Variants in MAML3 observed in about 807,000 individuals in gnomAD.
MAML3 encodes the protein mastermind-like protein 3.
In MAML3, 27 loss-of-function variants were observed where a neutral mutation model predicts 101.9. The ratio of observed to expected loss-of-function variants is 0.27; its 90% CI spans 0.20 to 0.37. The LOEUF (loss-of-function observed/expected upper bound fraction) is 0.37, where lower values mean the gene tolerates loss of function less well. Ranked by LOEUF, MAML3 falls within the 10% of genes least tolerant of loss-of-function variation. MAML3 has a pLI of 1.00. For synonymous variants in MAML3, 501 were observed against 555.9 expected (o/e 0.90, Z 1.39); for missense variants, 1,316 against 1,444.9 (o/e 0.91, Z 1.45).
rs1307520887 is a variant in MAML3, at chr4:139,735,535, C to T, written c.2080-4868G>A. Among the ~76,000 whole-genome samples the T allele has an allele frequency of 6.6e-6, 1 of 152,082 alleles. No homozygotes were observed. The highest frequency in any genetic ancestry group is 2.4e-5 in the African/African-American group (1 of 41,416). On this transcript the variant is annotated intron_variant, in intron 2 of 4. Transcript: ENST00000509479. The surrounding 1 kb of genome is among the most constrained non-coding windows in gnomAD (Gnocchi z 5.8). ...GCCCGGGAGGGACCGGGTTCCAGGA[C>T]CCCAGCTGCACAAAGCCGGCCCGGG...
At chr4:139,946,224 CTAAAGA>C (rs569728521) in intron 1 of MAML3, among the ~76,000 whole-genome samples, 15 of 152,208 alleles carry the variant, frequency 9.9e-5, no homozygotes, top group South Asian at 6.2e-4. Context: ...TATTCAGAAG[CTAAAGA>C]TAAAGATAAT....
chr4:140,023,364 G>A (rs373415405), intron 1 of MAML3, among the ~76,000 whole-genome samples: 1 of 152,284 alleles, frequency 6.6e-6, no homozygotes, highest in African/African-American at 2.4e-5. Context: ...AATGCGCATG[G>A]AAGCTGAGGT....
At chr4:140,019,837 A>G (rs912957791) in intron 1 of MAML3, among the ~76,000 whole-genome samples, 4 of 152,200 alleles carry the variant, frequency 2.6e-5, no homozygotes, top group African/African-American at 9.7e-5. Context: ...CCTTTAATAC[A>G]ATATTTAGGT....
chr4:139,890,838 T>C lies in MAML3; in HGVS notation c.598A>G (p.Met200Val), dbSNP rs1417364680. ...CTGGGCAAATTGTTGATGGCTTCCA[T>C]CCCCGCAGAAATGTCCTTTCGAATT... is the stretch of plus-strand genomic sequence containing the variant. ...KRIRKDISAG[M>V]EAINNLPSNM... Residue 200 changes from methionine to valine, a missense_variant, in exon 2 of 5, where the codon ATG (methionine) becomes GTG (valine). Physicochemically the swap from Met to Val is conservative, Grantham distance 21. Transcript: ENST00000509479. This position sits in a 1 kb window ranked among gnomAD's most constrained non-coding sequence, Gnocchi z 4.1. The C allele has an allele frequency of 6.2e-7, 1 of 1,613,846 alleles. No homozygotes were observed. The highest frequency in any genetic ancestry group is 8.5e-7 in the Non-Finnish European group (1 of 1,179,872).
chr4:140,030,926 G>T (rs532751653), intron 1 of MAML3, among the ~76,000 whole-genome samples: 1 of 152,206 alleles, frequency 6.6e-6, no homozygotes, highest in African/African-American at 2.4e-5. Context: ...AATTACAGAG[G>T]TTGGTAACAC....
intron 2 of MAML3, among the ~76,000 whole-genome samples, chr4:139,838,316 G>T (rs1365094116): frequency 6.6e-6 from 1 of 152,098 alleles, no homozygotes; most frequent in Non-Finnish European, 1.5e-5. Flanking sequence ...TTATTTTGGG[G>T]TTTATTTCCT....
intron 1 of MAML3, among the ~76,000 whole-genome samples, chr4:140,021,910 A>T (rs1283395878): frequency 6.6e-6 from 1 of 152,198 alleles, no homozygotes; most frequent in African/African-American, 2.4e-5. Flanking sequence ...TCTACGTGTC[A>T]GGTGCCTTAT....
At chr4:139,836,405 T>C (rs1731256367) in intron 2 of MAML3, among the ~76,000 whole-genome samples, 1 of 152,138 alleles carries the variant, frequency 6.6e-6, no homozygotes, top group African/African-American at 2.4e-5. Context: ...CTCTGCAGTA[T>C]AGGATTACTG....
At chr4:139,751,513 G>T (rs190717094) in intron 2 of MAML3, among the ~76,000 whole-genome samples, 46 of 152,302 alleles carry the variant, frequency 3.0e-4, no homozygotes, top group Non-Finnish European at 5.6e-4. Context: ...ATCACATGAG[G>T]TCAGGTGTGA....
At chr4:139,736,955 A>G (rs1167310118) in intron 2 of MAML3, among the ~76,000 whole-genome samples, 2 of 152,208 alleles carry the variant, frequency 1.3e-5, no homozygotes, top group African/African-American at 4.8e-5. Context: ...AGGGTTGCTC[A>G]GGCCAGTGAT....
chr4:139,753,130 T>C (rs1729552242), intron 2 of MAML3, among the ~76,000 whole-genome samples: 1 of 152,206 alleles, frequency 6.6e-6, no homozygotes, highest in South Asian at 2.1e-4. Flanking sequence ...TCAATTCCTA[T>C]TTTCCTTCTT....
intron 1 of MAML3, among the ~76,000 whole-genome samples, chr4:140,147,998 CTTCT>C (rs1729095046): frequency 6.6e-6 from 1 of 152,016 alleles, no homozygotes; most frequent in Non-Finnish European, 1.5e-5. Context: ...GGCAGGAAAA[CTTCT>C]TTAACAACAG....
chr4:139,750,486 T>C (rs1329004575), intron 2 of MAML3, among the ~76,000 whole-genome samples: 1 of 152,214 alleles, frequency 6.6e-6, no homozygotes, highest in East Asian at 1.9e-4. Flanking sequence ...TTCTTCTCTT[T>C]GTTCCTTGGA....
At chr4:140,018,990 A>T (rs908575055) in intron 1 of MAML3, among the ~76,000 whole-genome samples, 1 of 140,280 alleles carries the variant, frequency 7.1e-6, no homozygotes, top group Non-Finnish European at 1.6e-5. Context: ...TAATATGTGC[A>T]AAATTAGTAA....
chr4:139,753,158 A>T lies in MAML3; in HGVS notation c.2080-22491T>A, dbSNP rs150615147. Among the ~76,000 whole-genome samples the T allele has an allele frequency of 2.9e-3, 435 of 152,338 alleles. 1 individual carries two copies. The highest frequency in any genetic ancestry group is 9.7e-3 in the African/African-American group (405 of 41,576). On this transcript the variant is annotated intron_variant, in intron 2 of 4. Transcript: ENST00000509479. The stretch of plus-strand genomic sequence containing the variant: ...TCCTTCTTTCCCTTTTCATTGGGGT[A>T]AAATATACATAACATAAAATTTATC...
intron 1 of MAML3, among the ~76,000 whole-genome samples, chr4:139,907,291 G>T (rs979382566): frequency 6.6e-6 from 1 of 152,154 alleles, no homozygotes; most frequent in African/African-American, 2.4e-5. Flanking sequence ...AAAATGAGAG[G>T]GTTGGACTAC....
intron 2 of MAML3, among the ~76,000 whole-genome samples, chr4:139,831,749 T>G (rs978965516): frequency 1.3e-5 from 2 of 151,442 alleles, no homozygotes; most frequent in Non-Finnish European, 2.9e-5. Flanking sequence ...CATGATATCC[T>G]GAGGAACAAA....
At chr4:139,783,492 G>A (rs4555577) in intron 2 of MAML3, among the ~76,000 whole-genome samples, 50,451 of 152,056 alleles carry the variant, frequency 0.33, 8,524 homozygotes, top group Admixed American at 0.35. Flanking sequence ...GCTGGTGTGG[G>A]GCTGCTCAGA....
At chr4:140,057,607 C>G (rs1469413335) in intron 1 of MAML3, among the ~76,000 whole-genome samples, 2 of 152,092 alleles carry the variant, frequency 1.3e-5, no homozygotes, top group Non-Finnish European at 2.9e-5. Flanking sequence ...TATTCTTAAA[C>G]AGAAAATACC....
Sources: allele counts gnomAD v4.1 joint callset (sites outside exome capture counted in the v4.1 genomes callset), GRCh38; gene constraint gnomAD v4.1.1; non-coding constraint Gnocchi (gnomAD v3.1); transcripts MANE v1.5; gene names NCBI Gene and HGNC (gene_info 2026-07-23, HGNC 2026-07-21).